MEIKIN: variants seen among roughly 807,000 people sequenced by gnomAD.
The protein encoded by MEIKIN is meiotic kinetochore factor.
At chr5:131,888,574 A>T (rs1481635574) in intron 8 of MEIKIN, among the ~76,000 whole-genome samples, 1 of 151,550 alleles carries the variant, frequency 6.6e-6, no homozygotes, top group Non-Finnish European at 1.5e-5. Flanking sequence ...TTTTTCTTGT[A>T]AATTTGTTTG....
intron 10 of MEIKIN, among the ~76,000 whole-genome samples, chr5:131,851,790 CTGAT>C (rs2149615304): frequency 6.6e-6 from 1 of 152,258 alleles, no homozygotes; most frequent in East Asian, 1.9e-4. Flanking sequence ...AAAAAGATGA[CTGAT>C]TGATTTAGAG....
chr5:131,809,982 C>T (rs1242664367), intron 12 of MEIKIN, among the ~76,000 whole-genome samples: 4 of 152,176 alleles, frequency 2.6e-5, no homozygotes, highest in African/African-American at 4.8e-5. Flanking sequence ...GTCCTCACAA[C>T]AATTCTTTGA....
chr5:131,939,191 T>C (rs1348013301), intron 4 of MEIKIN, among the ~76,000 whole-genome samples: 7 of 152,210 alleles, frequency 4.6e-5, no homozygotes, highest in Non-Finnish European at 8.8e-5. Flanking sequence ...AGAAGCATAG[T>C]TGCCTGGCCA....
At chr5:131,824,354 A>G (rs565486570) in intron 11 of MEIKIN, among the ~76,000 whole-genome samples, 1 of 151,972 alleles carries the variant, frequency 6.6e-6, no homozygotes, top group Non-Finnish European at 1.5e-5. Flanking sequence ...GCTCTAAAAA[A>G]AAAAAAAATA....
intron 11 of MEIKIN, among the ~76,000 whole-genome samples, chr5:131,834,082 AAC>A (rs1391615198): frequency 6.6e-6 from 1 of 152,218 alleles, no homozygotes; most frequent in Non-Finnish European, 1.5e-5. Context: ...TACTAAAACA[AAC>A]AGTTTTACAT....
intron 12 of MEIKIN, among the ~76,000 whole-genome samples, chr5:131,813,121 C>G (rs1167481686): frequency 1.3e-5 from 2 of 152,124 alleles, no homozygotes; most frequent in Non-Finnish European, 2.9e-5. Context: ...AGGAAGTGAC[C>G]CAAATGTCCA....
intron 8 of MEIKIN, among the ~76,000 whole-genome samples, chr5:131,909,321 G>C (rs1751296751): frequency 6.6e-6 from 1 of 152,064 alleles, no homozygotes; most frequent in African/African-American, 2.4e-5. Context: ...TTGGGGAAGG[G>C]CCAGTTTCTT....
chr5:131,835,583 G>T (rs890008832), intron 11 of MEIKIN, among the ~76,000 whole-genome samples: 1 of 152,004 alleles, frequency 6.6e-6, no homozygotes, highest in Non-Finnish European at 1.5e-5. Flanking sequence ...TTTCATTGGT[G>T]TATATATCTG....
At chr5:131,861,314 G>A (rs561552302) in intron 9 of MEIKIN, among the ~76,000 whole-genome samples, 7 of 152,148 alleles carry the variant, frequency 4.6e-5, no homozygotes, top group African/African-American at 9.6e-5. Context: ...GCTTAAACCC[G>A]GGAGGTGGAG....
At chr5:131,859,466 T>C (rs919273394) in intron 9 of MEIKIN, among the ~76,000 whole-genome samples, 3 of 152,176 alleles carry the variant, frequency 2.0e-5, no homozygotes, top group Non-Finnish European at 4.4e-5. Context: ...GTTCTCTTGA[T>C]AGAGTGAGTT....
intron 11 of MEIKIN, among the ~76,000 whole-genome samples, chr5:131,843,248 G>A (rs1185140792): frequency 6.6e-6 from 1 of 152,220 alleles, no homozygotes; most frequent in Non-Finnish European, 1.5e-5. Flanking sequence ...GAAGGTCTCT[G>A]AAATTCCCTG....
chr5:131,914,512 A>G lies in MEIKIN; in HGVS notation c.638+2374T>C, dbSNP rs1458926859. 5.0e-5 allele frequency among the ~76,000 whole-genome samples: 7 copies of G among 139,710 alleles called. 1 individual carries two copies. The Admixed American group carries it at 5.0e-4, about 10-fold the overall frequency. 91.7% of individuals were successfully genotyped at this position (139,710 alleles called of 152,430 possible). On this transcript the variant is annotated intron_variant, in intron 7 of 12. Transcript: ENST00000442687. ...GAAAGAGGAGAAAAAGAAAAGAAAA[A>G]GAAAAAGGAAGGGAGGGGAGGGGAG... is the stretch of plus-strand genomic sequence containing the variant.
intron 12 of MEIKIN, among the ~76,000 whole-genome samples, chr5:131,813,245 A>C (rs1773034475): frequency 6.6e-6 from 1 of 152,162 alleles, no homozygotes; most frequent in Admixed American, 6.5e-5. Flanking sequence ...TTGATTTACA[A>C]ATGGTTCTCT....
chr5:131,943,507 A>T (rs1308863410), intron 3 of MEIKIN, among the ~76,000 whole-genome samples: 1 of 152,240 alleles, frequency 6.6e-6, no homozygotes, highest in African/African-American at 2.4e-5. Context: ...ACAGGGAAAT[A>T]GTAATACAAA....
chr5:131,807,792 C>A (rs1303521353), intron 12 of MEIKIN, among the ~76,000 whole-genome samples: 1 of 152,252 alleles, frequency 6.6e-6, no homozygotes, highest in South Asian at 2.1e-4. Flanking sequence ...CTAGTTAACA[C>A]TGCCACTTTC....
chr5:131,867,776 T>C (rs2149622735), intron 9 of MEIKIN, among the ~76,000 whole-genome samples: 1 of 152,344 alleles, frequency 6.6e-6, no homozygotes, highest in South Asian at 2.1e-4. Flanking sequence ...ATTCACCTAA[T>C]GAAGAACATT....
At chr5:131,868,654 C>G (rs1750431779) in intron 9 of MEIKIN, among the ~76,000 whole-genome samples, 1 of 151,512 alleles carries the variant, frequency 6.6e-6, no homozygotes. Context: ...CTCACTGCAG[C>G]CTTAACCTCC....
intron 9 of MEIKIN, among the ~76,000 whole-genome samples, chr5:131,875,198 CA>C (rs1337173353): frequency 2.0e-5 from 3 of 152,184 alleles, no homozygotes; most frequent in African/African-American, 7.2e-5. Context: ...AAGAGGAAGT[CA>C]AATTGTCCCT....
At chr5:131,828,653 C>G (rs1442639453) in intron 11 of MEIKIN, among the ~76,000 whole-genome samples, 1 of 152,078 alleles carries the variant, frequency 6.6e-6, no homozygotes, top group Non-Finnish European at 1.5e-5. Context: ...TTCCCCAAAC[C>G]AAGGTGCTTA....
Sources: gnomAD v4.1 joint callset for allele counts (sites outside exome capture counted in the v4.1 genomes callset) on GRCh38, gnomAD v4.1.1 for gene constraint, MANE v1.5 for transcripts, NCBI Gene and HGNC (gene_info 2026-07-23, HGNC 2026-07-21) for gene names.